TPCN1: variants seen among roughly 807,000 people sequenced by gnomAD.
TPCN1 encodes two pore channel protein 1.
TPCN1 carries 52 observed loss-of-function variants against 108.8 expected under a neutral mutation model. The observed-to-expected ratio is 0.48, with a 90% CI of 0.38 to 0.60. The LOEUF (loss-of-function observed/expected upper bound fraction) is 0.60, where lower values mean the gene tolerates loss of function less well. Ranked by LOEUF, TPCN1 falls within the 20% of genes least tolerant of loss-of-function variation. The pLI is 0.00. For missense variants in TPCN1, 806 were observed against 1,072.8 expected (o/e 0.75, Z 3.47); for synonymous variants, 446 against 433.7 (o/e 1.03, Z -0.35).
chr12:113,281,809 G>GA (rs1178915744), intron 15 of TPCN1, among the ~76,000 whole-genome samples: 1 of 152,164 alleles, frequency 6.6e-6, no homozygotes, highest in Non-Finnish European at 1.5e-5. Flanking sequence ...GAAGTGCTGG[G>GA]AGTACGGGTG....
rs1034512204 is a variant in TPCN1, at chr12:113,289,796, G to C, written c.1797-332G>C. 1.3e-5 allele frequency among the ~76,000 whole-genome samples: 2 copies of C among 152,194 alleles called. No individual in the cohort carries two copies. The highest frequency in any genetic ancestry group is 4.8e-5 in the African/African-American group (2 of 41,450). On this transcript the variant is annotated intron_variant, in intron 21 of 27. Transcript: ENST00000335509. This position sits in a 1 kb window ranked among gnomAD's most constrained non-coding sequence, Gnocchi z 4.1. ...CCAGCCTCAAGAGCAGATCCTAGAT[G>C]GGGCAGGTGCAGAGGAGGCCCTTGC...
intron 1 of TPCN1, among the ~76,000 whole-genome samples, chr12:113,224,461 A>G (rs1287317859): frequency 6.6e-6 from 1 of 150,632 alleles, no homozygotes; most frequent in African/African-American, 2.4e-5. Flanking sequence ...CAGTGGTGCA[A>G]TCTCGGCTCA....
rs754953269 is a variant in TPCN1 at position 113,273,258 on chromosome 12, C to T, written c.810C>T (p.Ile270=). The part of the protein sequence containing the change: ...DPYFSTLENS[I]VSLFVLLTTA... Reference sequence around the variant, plus strand: ...ACTTCAGCACCCTGGAGAACAGCATCGTCAGTCTGTTTGTCCTTCTGACCA... The same window carrying T: ...ACTTCAGCACCCTGGAGAACAGCATTGTCAGTCTGTTTGTCCTTCTGACCA... Residue 270 remains isoleucine, a synonymous_variant, in exon 9 of 28, where the codon ATC becomes ATT. Coordinates refer to ENST00000335509, the MANE Select transcript of TPCN1 (RefSeq NM_017901.6). The surrounding 1 kb of genome is among the most constrained non-coding windows in gnomAD (Gnocchi z 4.0). 25 of 1,614,138 alleles carry T rather than the reference C, an allele frequency of 1.5e-5. No homozygotes were observed. The highest frequency in any genetic ancestry group is 1.6e-4 in the Middle Eastern group (1 of 6,084).
intron 27 of TPCN1, among the ~76,000 whole-genome samples, chr12:113,294,402 G>A (rs1032271237): frequency 5.3e-5 from 8 of 152,054 alleles, no homozygotes; most frequent in Non-Finnish European, 1.2e-4. Context: ...CAAGGCAGGC[G>A]GATCACTTGA....
chr12:113,292,954 G>T lies in TPCN1; in HGVS notation c.2134G>T (p.Glu712Ter). ...DSEVDGGITL[E>*]KEISKEELVA... Reference sequence around the variant, plus strand: ...TGCAGTTGATGGTGGCATCACCCTTGAGAAGGAAATCTCCAAAGAAGAGCT... The same window carrying T: ...TGCAGTTGATGGTGGCATCACCCTTTAGAAGGAAATCTCCAAAGAAGAGCT... The change falls in exon 26 of 28, where the codon GAG (glutamate) becomes TAG (stop). Residue 712 changes from glutamate (E) to a stop codon, truncating the protein, a stop_gained. Coordinates refer to ENST00000335509, the MANE Select transcript of TPCN1 (RefSeq NM_017901.6). LOFTEE classifies it high-confidence loss of function. The T allele has an allele frequency of 6.2e-7, 1 of 1,612,920 alleles. No homozygotes were observed. Among genetic ancestry groups the T allele is most frequent in the South Asian group, 1.1e-5 (1 of 91,018 alleles).
intron 2 of TPCN1, among the ~76,000 whole-genome samples, chr12:113,233,282 T>C (rs1209919479): frequency 6.6e-6 from 1 of 152,140 alleles, no homozygotes; most frequent in Non-Finnish European, 1.5e-5. Context: ...CCTGCCACTC[T>C]CCTCCCCACT....
chr12:113,267,866 T>C lies in TPCN1; in HGVS notation c.438T>C (p.Phe146=), dbSNP rs772372066. The C allele has an allele frequency of 3.7e-6, 6 of 1,614,010 alleles. No homozygotes were observed. In the Admixed American group the frequency reaches 1.0e-4, roughly 27 times the overall value. The part of the protein sequence containing the change: ...GIYVHATLEL[F]ALMVVVFELC... ...AGGTCCACGCCACCCTGGAGCTGTT[T>C]GCCCTGATGGTGGTAGTGTTTGAAC... is the stretch of plus-strand genomic sequence containing the variant. The change falls in exon 5 of 28, where the codon TTT becomes TTC. Residue 146 remains phenylalanine, a synonymous_variant. Transcript: ENST00000335509.
At chr12:113,224,794 C>A (rs527250852) in intron 1 of TPCN1, among the ~76,000 whole-genome samples, 3 of 152,146 alleles carry the variant, frequency 2.0e-5, no homozygotes, top group East Asian at 3.9e-4. Context: ...CTCTGTCGCC[C>A]AGGCTGCAGT....
chr12:113,277,976 G>A (rs1593180302), intron 12 of TPCN1, among the ~76,000 whole-genome samples: 1 of 152,164 alleles, frequency 6.6e-6, no homozygotes, highest in East Asian at 1.9e-4. Flanking sequence ...GGAGACTTAA[G>A]TGGATTACAT....
intron 2 of TPCN1, among the ~76,000 whole-genome samples, chr12:113,254,007 G>T (rs1321645815): frequency 1.3e-5 from 2 of 152,242 alleles, no homozygotes; most frequent in African/African-American, 4.8e-5. Flanking sequence ...AAGTGCATCT[G>T]CTCTGGTGGC....
intron 1 of TPCN1, among the ~76,000 whole-genome samples, chr12:113,225,658 G>A (rs910125246): frequency 6.6e-6 from 1 of 151,978 alleles, no homozygotes; most frequent in African/African-American, 2.4e-5. Context: ...GGGTTCAAGC[G>A]ATTCTCCTGC....
chr12:113,243,953 T>A (rs1329767366), intron 2 of TPCN1, among the ~76,000 whole-genome samples: 2 of 152,166 alleles, frequency 1.3e-5, no homozygotes, highest in African/African-American at 4.8e-5. Flanking sequence ...TACATTCTCC[T>A]CTGTCCCCTA....
intron 13 of TPCN1, 35 bp downstream of exon 13, chr12:113,278,272 CAGAG>C: frequency 1.3e-6 from 2 of 1,599,858 alleles, no homozygotes; most frequent in Non-Finnish European, 1.7e-6. Flanking sequence ...AAGGAGTAGA[CAGAG>C]AGGTCCCCAC....
chr12:113,267,066 A>G (rs1955291430), intron 4 of TPCN1, among the ~76,000 whole-genome samples: 1 of 152,016 alleles, frequency 6.6e-6, no homozygotes, highest in African/African-American at 2.4e-5. Context: ...TCACTTTGTC[A>G]ATTCCTGCCC....
In TPCN1 at chr12:113,273,358, C is replaced by T. The variant is rs1955567774; in HGVS notation, c.842+68C>T. 1.3e-6 allele frequency: 2 copies of T among 1,525,546 alleles called. No homozygotes were observed. Among genetic ancestry groups the T allele is most frequent in the South Asian group, 1.1e-5 (1 of 89,206 alleles). 94.5% of individuals were successfully genotyped at this position (1,525,546 alleles called of 1,614,324 possible). On this transcript the variant is annotated intron_variant, in intron 9 of 27. Coordinates refer to ENST00000335509, the MANE Select transcript of TPCN1 (RefSeq NM_017901.6). The surrounding 1 kb of genome is among the most constrained non-coding windows in gnomAD (Gnocchi z 4.0). ...CCTGGGGTCTCTTTCTCTTTTCTGC[C>T]AAGTATATTCCACATCCCAGCACAG...
chr12:113,229,793 T>C (rs1319557273), intron 2 of TPCN1, among the ~76,000 whole-genome samples: 1 of 152,170 alleles, frequency 6.6e-6, no homozygotes, highest in Non-Finnish European at 1.5e-5. Flanking sequence ...CACCCGGCCC[T>C]GAGCAGTCCA....
intron 2 of TPCN1, 115 bp from the exon 3 acceptor site, chr12:113,260,253 G>T: frequency 8.4e-7 from 1 of 1,191,984 alleles, no homozygotes; most frequent in South Asian, 1.8e-5. Context: ...ATTTGAAGAT[G>T]ACGGGATGTC....
At chr12:113,258,349 C>G (rs1323813865) in intron 2 of TPCN1, among the ~76,000 whole-genome samples, 1 of 152,112 alleles carries the variant, frequency 6.6e-6, no homozygotes, top group Non-Finnish European at 1.5e-5. Context: ...ACCTGTAATC[C>G]CAGCTGCTCG....
At chr12:113,291,830 C>G (rs1388070421) in intron 24 of TPCN1, 44 bp from the exon 25 acceptor site, 2 of 1,450,928 alleles carry the variant, frequency 1.4e-6, no homozygotes, top group Non-Finnish European at 1.9e-6. Context: ...CACCTACCCA[C>G]CCTCCTCCCC....
Sources: allele counts gnomAD v4.1 joint callset (sites outside exome capture counted in the v4.1 genomes callset), GRCh38; gene constraint gnomAD v4.1.1; non-coding constraint Gnocchi (gnomAD v3.1); transcripts MANE v1.5; gene names NCBI Gene and HGNC (gene_info 2026-07-23, HGNC 2026-07-21).